DOCK2: variants seen among roughly 807,000 people sequenced by gnomAD.
DOCK2 encodes dedicator of cytokinesis protein 2.
Under a neutral mutation model 248.9 loss-of-function variants are expected in DOCK2, and 87 were observed. The ratio of observed to expected loss-of-function variants is 0.35; its 90% CI spans 0.29 to 0.42. The LOEUF is 0.42. DOCK2 is among the 10% of genes least tolerant of loss of function. The pLI, the probability that DOCK2 is intolerant of heterozygous loss-of-function variation, is 1.00. For missense variants in DOCK2, 1,747 were observed against 2,300.2 expected, an observed-to-expected ratio of 0.76 and a Z score of 4.92; for synonymous variants, 805 against 821.6, an observed-to-expected ratio of 0.98 and a Z score of 0.35.
intron 27 of DOCK2, among the ~76,000 whole-genome samples, chr5:169,889,565 T>C (rs1322666770): frequency 6.6e-6 from 1 of 152,234 alleles, no homozygotes; most frequent in African/African-American, 2.4e-5. Context: ...AATTCTGCCT[T>C]ACATAACAGG....
At chr5:169,930,747 G>A (rs371214865) in intron 27 of DOCK2, among the ~76,000 whole-genome samples, 31 of 152,274 alleles carry the variant, frequency 2.0e-4, no homozygotes, top group African/African-American at 6.0e-4. Flanking sequence ...TTTGAGAGTC[G>A]GGTGGAAGGC....
chr5:169,971,951 A>G (rs1777522600), intron 27 of DOCK2, among the ~76,000 whole-genome samples: 2 of 152,208 alleles, frequency 1.3e-5, no homozygotes, highest in Admixed American at 6.5e-5. Flanking sequence ...CTCAGTATAT[A>G]TACTACCACT....
At position 169,898,751 on chromosome 5, in the gene DOCK2, A is replaced by G. The variant is rs143420426; in HGVS notation, c.2799+57899A>G. Among the ~76,000 whole-genome samples the G allele has an allele frequency of 1.6e-3, 237 of 152,322 alleles. 1 individual carries two copies. Among genetic ancestry groups the G allele is most frequent in the African/African-American group, 5.5e-3 (228 of 41,562 alleles). On this transcript the variant is annotated intron_variant, in intron 27 of 51. Coordinates refer to ENST00000520908, the MANE Select transcript of DOCK2 (RefSeq NM_004946.3). ...AACTCTACCGTTGTAGCCTGAAAGC[A>G]CACATGGGCAATATGTAAATGAACA...
rs185533581 is a variant in DOCK2 at position 169,808,656 on chromosome 5, G to A, written c.2703+5450G>A. Among the ~76,000 whole-genome samples, 472 of 152,190 alleles carry A rather than the reference G, an allele frequency of 3.1e-3. 3 individuals carry two copies. Among genetic ancestry groups the A allele is most frequent in the African/African-American group, 0.011 (461 of 41,514 alleles). On this transcript the variant is annotated intron_variant, in intron 26 of 51. Transcript: ENST00000520908. ...TTGAAGGGCGGTTTCACACTGCTTC[G>A]TTCTGTGCTTTGCTGGCTGCCGAGT...
chr5:169,868,398 C>T (rs1771732030), intron 27 of DOCK2, among the ~76,000 whole-genome samples: 1 of 152,184 alleles, frequency 6.6e-6, no homozygotes, highest in Non-Finnish European at 1.5e-5. Context: ...CTTCATAATT[C>T]AAATAAACAA....
intron 27 of DOCK2, among the ~76,000 whole-genome samples, chr5:169,842,041 C>T (rs1250234191): frequency 6.6e-6 from 1 of 152,102 alleles, no homozygotes; most frequent in African/African-American, 2.4e-5. Context: ...TGGGATTGGA[C>T]CATATAGTTG....
chr5:169,812,227 G>A (rs538173829), intron 26 of DOCK2, among the ~76,000 whole-genome samples: 4 of 152,114 alleles, frequency 2.6e-5, no homozygotes, highest in Admixed American at 6.5e-5. Flanking sequence ...GATCAGCGAC[G>A]GCATTAAATT....
chr5:169,712,036 C>G, intron 16 of DOCK2, 29 bp downstream of exon 16: 1 of 1,614,046 alleles, frequency 6.2e-7, no homozygotes, highest in South Asian at 1.1e-5. Flanking sequence ...GGCATCTCTG[C>G]ACCTCCCCCT....
intron 6 of DOCK2, 76 bp downstream of exon 6, chr5:169,674,521 G>C: frequency 1.3e-6 from 2 of 1,565,838 alleles, no homozygotes; most frequent in Non-Finnish European, 1.7e-6. Context: ...CCAGAAGCTT[G>C]TTTTCATTTT....
intron 26 of DOCK2, among the ~76,000 whole-genome samples, chr5:169,836,431 T>TA (rs35110294): frequency 0.18 from 27,509 of 152,244 alleles, 2,777 homozygotes; most frequent in Admixed American, 0.24. Flanking sequence ...TTCTGCAAGT[T>TA]AACTACTAAC....
Position 170,040,944 on chromosome 5 carries a change from T to G in DOCK2, c.3666-111T>G, listed in dbSNP as rs1475266221. 5.4e-6 allele frequency: 5 copies of G among 924,046 alleles called. 1 individual carries two copies. The Admixed American group carries it at 9.5e-5, about 18-fold the overall frequency. 57.2% of individuals were successfully genotyped at this position (924,046 alleles called of 1,614,324 possible). A position where few individuals can be genotyped will look rare whatever the true frequency, so the allele number is the denominator to read the frequency against. The stretch of plus-strand genomic sequence containing the variant: ...TTCTGGTTATCCAGGGAGGAGGACT[T>G]TCTTGCGACCCAGAGAGGTGCCCAG... On this transcript the variant is annotated intron_variant, in intron 36 of 51. Transcript: ENST00000520908.
At chr5:169,756,925 CAA>C (rs60397780) in intron 23 of DOCK2, among the ~76,000 whole-genome samples, 21 of 127,848 alleles carry the variant, frequency 1.6e-4, no homozygotes, top group African/African-American at 2.9e-4. Context: ...AACTCTGTCT[CAA>C]AAAAAAAAAA....
intron 2 of DOCK2, among the ~76,000 whole-genome samples, chr5:169,662,795 G>A (rs2113235782): frequency 6.6e-6 from 1 of 152,288 alleles, no homozygotes; most frequent in East Asian, 1.9e-4. Context: ...TGACACATGG[G>A]GATTACAATT....
At chr5:169,644,468 G>A (rs1011580747) in intron 1 of DOCK2, among the ~76,000 whole-genome samples, 39 of 152,074 alleles carry the variant, frequency 2.6e-4, no homozygotes, top group African/African-American at 9.2e-4. Flanking sequence ...ATGAGAAGGA[G>A]AGAGGAGCCA....
chr5:169,931,414 G>A (rs10475927), intron 27 of DOCK2, among the ~76,000 whole-genome samples: 63,853 of 152,008 alleles, frequency 0.42, 13,433 homozygotes, highest in East Asian at 0.54. Flanking sequence ...TCTCCCGTTC[G>A]CCTGAACCCT....
intron 25 of DOCK2, among the ~76,000 whole-genome samples, chr5:169,802,601 G>T (rs538249601): frequency 6.6e-6 from 1 of 152,230 alleles, no homozygotes; most frequent in Non-Finnish European, 1.5e-5. Context: ...TCAAGGTTCA[G>T]AGTAATATAT....
At chr5:169,682,025 A>T in intron 7 of DOCK2, 146 bp downstream of exon 7, 1 of 1,199,904 alleles carries the variant, frequency 8.3e-7, no homozygotes, top group Non-Finnish European at 1.1e-6. Flanking sequence ...ACATGTGTTT[A>T]ACTGTGGTTT....
At chr5:169,894,113 G>A (rs1773453789) in intron 27 of DOCK2, among the ~76,000 whole-genome samples, 1 of 152,176 alleles carries the variant, frequency 6.6e-6, no homozygotes, top group South Asian at 2.1e-4. Flanking sequence ...CACTGCCAAA[G>A]TTTTCAAAGC....
At chr5:169,798,586 T>G (rs147655633) in intron 25 of DOCK2, among the ~76,000 whole-genome samples, 37 of 152,308 alleles carry the variant, frequency 2.4e-4, no homozygotes, top group African/African-American at 7.7e-4. Flanking sequence ...ATTCCACAGC[T>G]CTGTTTTATG....
Sources: gnomAD v4.1 joint callset for allele counts (sites outside exome capture counted in the v4.1 genomes callset) on GRCh38, gnomAD v4.1.1 for gene constraint, MANE v1.5 for transcripts, NCBI Gene and HGNC (gene_info 2026-07-23, HGNC 2026-07-21) for gene names.